The following BCAS3 variants were observed in gnomAD, a reference collection of about 807,000 sequenced individuals.
The protein encoded by BCAS3 is BCAS4/BCAS3 fusion.
BCAS3 carries 53 observed loss-of-function variants against 116.1 expected under a neutral mutation model. That is an observed-to-expected ratio of 0.46 (90% CI 0.37 to 0.57). The LOEUF is 0.57. Ranked by LOEUF, BCAS3 falls within the 20% of genes least tolerant of loss-of-function variation. BCAS3 has a pLI of 0.00. For missense variants in BCAS3, 917 were observed against 1,165.4 expected, an observed-to-expected ratio of 0.79 and a Z score of 3.10; for synonymous variants, 391 against 408.2, an observed-to-expected ratio of 0.96 and a Z score of 0.51.
rs2071600137 is a variant in BCAS3, at chr17:61,073,197, A to G, written c.2030-1723A>G. 6.6e-6 allele frequency among the ~76,000 whole-genome samples: 1 copy of G among 152,332 alleles called. No individual in the cohort carries two copies. The highest frequency in any genetic ancestry group is 2.4e-5 in the African/African-American group (1 of 41,584). On this transcript the variant is annotated intron_variant, in intron 19 of 23. Coordinates refer to ENST00000407086, the MANE Select transcript of BCAS3 (RefSeq NM_017679.5). The surrounding 1 kb of genome is among the most constrained non-coding windows in gnomAD (Gnocchi z 4.6). ...TTTGTCATCACAAGAATGTAGGTGT[A>G]TGCTTTTGTGATCATTTGTGTTTTG...
At chr17:60,894,538 T>C (rs2057385348) in intron 10 of BCAS3, among the ~76,000 whole-genome samples, 1 of 152,224 alleles carries the variant, frequency 6.6e-6, no homozygotes, top group Admixed American at 6.5e-5. Context: ...CTTCTACTTT[T>C]CCAATTTGGA....
At chr17:60,989,948 A>C in intron 14 of BCAS3, 23 bp from the exon 15 acceptor site, 1 of 1,602,094 alleles carries the variant, frequency 6.2e-7, no homozygotes, top group Non-Finnish European at 8.5e-7. Context: ...ACATTTTTGT[A>C]TCTTTTCTTA....
rs1415686263 is a variant in BCAS3, at chr17:61,083,354, TTA to T, written c.2328-1111_2328-1110del. On this transcript the variant is annotated intron_variant, in intron 21 of 23. Transcript: ENST00000407086. The surrounding 1 kb of genome is among the most constrained non-coding windows in gnomAD (Gnocchi z 4.9). Reference sequence around the variant, plus strand: ...ATATATATACACATTGGTCTGTATTTTATGTTTTGTTTCTGCTTGTTCTCAGA... The same window carrying T: ...ATATATATACACATTGGTCTGTATTTTGTTTTGTTTCTGCTTGTTCTCAGA... 1.7e-5 allele frequency among the ~76,000 whole-genome samples: 2 copies of T among 118,608 alleles called. No homozygotes were observed. The highest frequency in any genetic ancestry group is 3.0e-5 in the Non-Finnish European group (2 of 67,558). The allele number at this position is 118,608 out of a possible 152,430, so 77.8% of individuals were successfully genotyped here. A position where few individuals can be genotyped will look rare whatever the true frequency, so the allele number is the denominator to read the frequency against.
At chr17:60,934,083 C>T (rs148282835) in intron 13 of BCAS3, among the ~76,000 whole-genome samples, 15 of 151,612 alleles carry the variant, frequency 9.9e-5, no homozygotes, top group Middle Eastern at 3.4e-3. Flanking sequence ...TTTAGAACCT[C>T]GCTATAATTT....
At position 61,084,512 on chromosome 17, in the gene BCAS3, C is replaced by T. The variant is rs752969928; in HGVS notation, c.2373C>T (p.Ser791=). 3 of 1,614,114 alleles carry T rather than the reference C, an allele frequency of 1.9e-6. No individual in the cohort carries two copies. Among genetic ancestry groups the T allele is most frequent in the South Asian group, 2.2e-5 (2 of 91,058 alleles). Residue 791 remains serine (S), a synonymous_variant, in exon 22 of 24, where the codon TCC becomes TCT. Coordinates refer to ENST00000407086, the MANE Select transcript of BCAS3 (RefSeq NM_017679.5). The surrounding 1 kb of genome is among the most constrained non-coding windows in gnomAD (Gnocchi z 5.5). Reference sequence around the variant, plus strand: ...ACCCCGTCAGCATGCCAGGGTCATCCCGTCCAGTCTCTGATCGAAGGGGAG... The same window carrying T: ...ACCCCGTCAGCATGCCAGGGTCATCTCGTCCAGTCTCTGATCGAAGGGGAG... ...RSDPVSMPGS[S]RPVSDRRGVS...
intron 14 of BCAS3, among the ~76,000 whole-genome samples, chr17:60,957,631 A>G (rs948652004): frequency 1.3e-5 from 2 of 152,168 alleles, no homozygotes; most frequent in Non-Finnish European, 2.9e-5. Flanking sequence ...TAATTTCAGG[A>G]CATTTTTGTA....
Position 61,352,027 on chromosome 17 carries a change from T to G in BCAS3, c.2426-16300T>G, listed in dbSNP as rs2057880253. 6.6e-6 allele frequency among the ~76,000 whole-genome samples: 1 copy of G among 152,208 alleles called. No homozygotes were observed. The highest frequency in any genetic ancestry group is 2.4e-5 in the African/African-American group (1 of 41,442). ...TTTCTACAACAAACACTGCTTTTACTTCTTTACCTATTTTTTTCCCCAATC... is the reference window on the plus strand; with the variant it reads ...TTTCTACAACAAACACTGCTTTTACGTCTTTACCTATTTTTTTCCCCAATC... On this transcript the variant is annotated intron_variant, in intron 22 of 23. Transcript: ENST00000407086. This position sits in a 1 kb window ranked among gnomAD's most constrained non-coding sequence, Gnocchi z 4.7.
intron 4 of BCAS3, among the ~76,000 whole-genome samples, chr17:60,701,596 A>C (rs1486461658): frequency 2.6e-5 from 4 of 152,150 alleles, no homozygotes; most frequent in African/African-American, 9.7e-5. Flanking sequence ...CAAAAAAATT[A>C]AGAAAAAGAT....
chr17:60,708,048 A>T (rs1174799715), intron 4 of BCAS3, among the ~76,000 whole-genome samples: 1 of 152,104 alleles, frequency 6.6e-6, no homozygotes, highest in Admixed American at 6.6e-5. Context: ...GTAAGGCCGG[A>T]AGTGATGGCT....
chr17:60,870,586 C>T (rs1567754401), intron 8 of BCAS3, among the ~76,000 whole-genome samples: 1 of 152,116 alleles, frequency 6.6e-6, no homozygotes, highest in South Asian at 2.1e-4. Flanking sequence ...AACACTGACT[C>T]AGAACACTTA....
chr17:61,373,804 C>CTTTTTTTT lies in BCAS3; in HGVS notation c.2593+5313_2593+5314insTTTTTTTT, dbSNP rs201141656. 4.9e-4 allele frequency among the ~76,000 whole-genome samples: 37 copies of CTTTTTTTT among 76,126 alleles called. 3 individuals carry two copies. Among genetic ancestry groups the CTTTTTTTT allele is most frequent in the Non-Finnish European group, 5.2e-4 (19 of 36,690 alleles). 49.9% of individuals were successfully genotyped at this position (76,126 alleles called of 152,430 possible). On this transcript the variant is annotated intron_variant, in intron 23 of 23. Coordinates refer to ENST00000407086, the MANE Select transcript of BCAS3 (RefSeq NM_017679.5). Reference sequence around the variant, plus strand: ...TTGCTGCTGTTAACTTCTTCTTCTTCTTTGTTTTTTTTTTTTTTTTTTTTG... The same window carrying CTTTTTTTT: ...TTGCTGCTGTTAACTTCTTCTTCTTCTTTTTTTTTTTGTTTTTTTTTTTTTTTTTTTTG...
At position 61,332,377 on chromosome 17, in the gene BCAS3, C is replaced by A. The variant is rs1259260390; in HGVS notation, c.2426-35950C>A. Among the ~76,000 whole-genome samples the A allele has an allele frequency of 6.6e-6, 1 of 152,122 alleles. No individual in the cohort carries two copies. Among genetic ancestry groups the A allele is most frequent in the South Asian group, 2.1e-4 (1 of 4,808 alleles). On this transcript the variant is annotated intron_variant, in intron 22 of 23. Coordinates refer to ENST00000407086, the MANE Select transcript of BCAS3 (RefSeq NM_017679.5). The surrounding 1 kb of genome is among the most constrained non-coding windows in gnomAD (Gnocchi z 5.4). ...CGTCCCCTCCCCTCCCTCCACCATC[C>A]GAGAGGTCAGCTTCCTTCACCATGG...
chr17:60,686,195 G>A (rs1400889608), intron 3 of BCAS3, among the ~76,000 whole-genome samples: 4 of 152,028 alleles, frequency 2.6e-5, no homozygotes, highest in Non-Finnish European at 5.9e-5. Context: ...CTACTGTTTG[G>A]TTGACATGAG....
intron 14 of BCAS3, among the ~76,000 whole-genome samples, chr17:60,951,363 A>G (rs1390295047): frequency 6.6e-6 from 1 of 152,048 alleles, no homozygotes; most frequent in East Asian, 1.9e-4. Flanking sequence ...TATTTCTTGC[A>G]TGTTTTTCAT....
intron 11 of BCAS3, among the ~76,000 whole-genome samples, chr17:60,908,059 G>A (rs1340247680): frequency 6.6e-6 from 1 of 152,056 alleles, no homozygotes; most frequent in Non-Finnish European, 1.5e-5. Flanking sequence ...ATAAATAGTA[G>A]TATCTTGTAA....
chr17:60,727,025 G>T, intron 5 of BCAS3: 1 of 239,936 alleles, frequency 4.2e-6, no homozygotes. Flanking sequence ...TTCTTTAACA[G>T]ATACCTTTTA....
chr17:60,872,606 A>G (rs949733481), intron 8 of BCAS3, among the ~76,000 whole-genome samples: 6 of 150,460 alleles, frequency 4.0e-5, no homozygotes, highest in African/African-American at 1.2e-4. Flanking sequence ...CACACACCCC[A>G]TATCTATTTT....
chr17:61,070,540 T>C (rs1294857084), intron 19 of BCAS3, among the ~76,000 whole-genome samples: 1 of 151,614 alleles, frequency 6.6e-6, no homozygotes, highest in Non-Finnish European at 1.5e-5. Context: ...AAAAGGAAGA[T>C]TCTTCCATGA....
Position 61,189,199 on chromosome 17 carries a change from G to C in BCAS3, c.2425+104635G>C, listed in dbSNP as rs548451052. 6.6e-6 allele frequency among the ~76,000 whole-genome samples: 1 copy of C among 152,320 alleles called. No individual in the cohort carries two copies. Among genetic ancestry groups the C allele is most frequent in the Non-Finnish European group, 1.5e-5 (1 of 68,032 alleles). On this transcript the variant is annotated intron_variant, in intron 22 of 23. Transcript: ENST00000407086. This position sits in a 1 kb window ranked among gnomAD's most constrained non-coding sequence, Gnocchi z 4.5. ...TATGCTCCTTTATGTGCTTAGAGTT[G>C]AGGAAGGTGGAGAATATTTAAGGAA...
Sources: gnomAD v4.1 joint callset for allele counts (sites outside exome capture counted in the v4.1 genomes callset) on GRCh38, gnomAD v4.1.1 for gene constraint, Gnocchi (gnomAD v3.1) non-coding constraint, MANE v1.5 for transcripts, NCBI Gene and HGNC (gene_info 2026-07-23, HGNC 2026-07-21) for gene names.